The following SYCP1 variants were observed in gnomAD, a reference collection of about 807,000 sequenced individuals.
SYCP1 encodes the protein cancer/testis antigen 8.
In SYCP1, 64 loss-of-function variants were observed where a neutral mutation model predicts 153.1. The observed-to-expected ratio is 0.42, with a 90% confidence interval of 0.34 to 0.51. The LOEUF (loss-of-function observed/expected upper bound fraction) is 0.51. SYCP1 is among the 20% of genes least tolerant of loss of function. The probability of loss-of-function intolerance (pLI) is 0.06; values close to 1 mark genes in which losing one functional copy is unlikely to be tolerated. For synonymous variants in SYCP1, 384 were observed against 341.8 expected, an observed-to-expected ratio of 1.12 and a Z score of -1.36; for missense variants, 997 against 1,049.0, an observed-to-expected ratio of 0.95 and a Z score of 0.68.
intron 27 of SYCP1, among the ~76,000 whole-genome samples, chr1:114,961,629 T>A (rs751697036): frequency 6.6e-6 from 1 of 152,352 alleles, no homozygotes; most frequent in East Asian, 1.9e-4. Context: ...ATTATTTAAT[T>A]TTCACGTATT....
chr1:114,923,332 G>C, intron 20 of SYCP1, 117 bp from the exon 21 acceptor site: 4 of 1,194,872 alleles, frequency 3.3e-6, no homozygotes, highest in Non-Finnish European at 4.5e-6. Context: ...TTCAGTTTTG[G>C]TTTTTTACAT....
At chr1:114,986,690 T>G (rs1673533089) in intron 30 of SYCP1, among the ~76,000 whole-genome samples, 2 of 152,004 alleles carry the variant, frequency 1.3e-5, no homozygotes, top group African/African-American at 4.8e-5. Context: ...GATTTAAAAA[T>G]GGGTTGTTGA....
intron 8 of SYCP1, among the ~76,000 whole-genome samples, chr1:114,869,335 ATTT>A (rs1367622767): frequency 6.6e-6 from 1 of 152,042 alleles, no homozygotes. Flanking sequence ...GCATTTTGTG[ATTT>A]TCCAGGTATC....
At chr1:114,968,871 T>A (rs964136439) in intron 27 of SYCP1, among the ~76,000 whole-genome samples, 2 of 152,250 alleles carry the variant, frequency 1.3e-5, no homozygotes, top group African/African-American at 2.4e-5. Flanking sequence ...TGCGTGGGCA[T>A]CCTTTTAGTT....
At chr1:114,989,037 C>T (rs1274930403) in intron 30 of SYCP1, among the ~76,000 whole-genome samples, 2 of 151,742 alleles carry the variant, frequency 1.3e-5, no homozygotes, top group Non-Finnish European at 2.9e-5. Flanking sequence ...CATTGTGGTG[C>T]ACATCTGTAG....
At chr1:114,926,935 C>A (rs985244075) in intron 23 of SYCP1, among the ~76,000 whole-genome samples, 5 of 152,032 alleles carry the variant, frequency 3.3e-5, no homozygotes, top group African/African-American at 1.2e-4. Context: ...TATCCTGCTG[C>A]AGAAAGGGAT....
rs375436670 is a variant in SYCP1 at position 114,881,056 on chromosome 1, T to TATACACACACACAC, written c.910+2855_910+2856insTACACACACACACA. ...TGAACAGTATTCCAATTTGTGTATA[T>TATACACACACACAC]ACACACACACACACACACACACACA... On this transcript the variant is annotated intron_variant, in intron 12 of 31. Transcript: ENST00000369522. 2.9e-3 allele frequency among the ~76,000 whole-genome samples: 426 copies of TATACACACACACAC among 145,030 alleles called. 3 individuals are homozygous for TATACACACACACAC. Among genetic ancestry groups the TATACACACACACAC allele is most frequent in the African/African-American group, 0.01 (391 of 38,258 alleles).
At chr1:114,945,433 C>G (rs948864483) in intron 25 of SYCP1, among the ~76,000 whole-genome samples, 1 of 150,622 alleles carries the variant, frequency 6.6e-6, no homozygotes, top group Non-Finnish European at 1.5e-5. Flanking sequence ...TTAGAGTATC[C>G]ATTTGTTAAG....
At chr1:114,893,390 T>C (rs1666858638) in intron 15 of SYCP1, among the ~76,000 whole-genome samples, 1 of 152,156 alleles carries the variant, frequency 6.6e-6, no homozygotes, top group Non-Finnish European at 1.5e-5. Context: ...CTCATCTCTA[T>C]CTCTATCTCT....
In SYCP1 at chr1:114,857,248, A is replaced by T. The variant is rs1664058804; in HGVS notation, c.210A>T (p.Lys70Asn). 6.2e-7 allele frequency: 1 copy of T among 1,601,910 alleles called. No homozygotes were observed. The highest frequency in any genetic ancestry group is 8.5e-7 in the Non-Finnish European group (1 of 1,173,470). ...ENIDSDPALQKVNFLPVLEQV... is the reference protein window; with the variant it reads ...ENIDSDPALQNVNFLPVLEQV... ...ATCTTGCAGATCCTGCTTTACAAAA[A>T]GTTAATTTCTTGCCCGTGCTTGAGC... Residue 70 changes from lysine to asparagine, a missense_variant, in exon 4 of 32, where the codon AAA becomes AAT. Physicochemically the swap from Lys to Asn is moderately conservative, Grantham distance 94. Around this residue, in one of 2 missense-constraint regions of SYCP1, gnomAD observed 285 missense variants for 366.1 expected, o/e 0.78. Coordinates refer to ENST00000369522, the MANE Select transcript of SYCP1 (RefSeq NM_003176.4).
At chr1:114,946,405 T>A in intron 26 of SYCP1, 24 bp downstream of exon 26, 1 of 1,452,156 alleles carries the variant, frequency 6.9e-7, no homozygotes, top group Non-Finnish European at 9.4e-7. Flanking sequence ...AAAATTGCAG[T>A]AACGGCCAGT....
intron 15 of SYCP1, among the ~76,000 whole-genome samples, chr1:114,893,087 G>A (rs1054391217): frequency 1.3e-5 from 2 of 152,146 alleles, no homozygotes; most frequent in Non-Finnish European, 1.5e-5. Flanking sequence ...CTTTCTTAGA[G>A]GATCTATTTG....
At chr1:114,958,874 G>A (rs1021972785) in intron 27 of SYCP1, among the ~76,000 whole-genome samples, 2 of 149,384 alleles carry the variant, frequency 1.3e-5, no homozygotes, top group African/African-American at 4.9e-5. Context: ...AGCTTGCAGT[G>A]AGCCGAGATT....
At chr1:114,941,914 G>A (rs1670415488) in intron 23 of SYCP1, among the ~76,000 whole-genome samples, 1 of 152,030 alleles carries the variant, frequency 6.6e-6, no homozygotes, top group Non-Finnish European at 1.5e-5. Flanking sequence ...TTTGTGTTTA[G>A]ACATAGGTCC....
At position 114,947,280 on chromosome 1, in the gene SYCP1, T is replaced by C. The variant is rs202227689; in HGVS notation, c.2282T>C (p.Leu761Ser). The C allele has an allele frequency of 1.5e-5, 24 of 1,613,156 alleles. No homozygotes were observed. In the African/African-American group the frequency reaches 3.2e-4, roughly 22 times the overall value. Residue 761 changes from leucine to serine, a missense_variant, in exon 27 of 32, where the codon TTG becomes TCG. Coordinates refer to ENST00000369522, the MANE Select transcript of SYCP1 (RefSeq NM_003176.4). ...CTATCCAATCTCAAAGCTGAACTTT[T>C]GTCTGTTAAGAAGCAACTTGAAATA... ...IELSNLKAEL[L>S]SVKKQLEIER...
At position 114,872,107 on chromosome 1, in the gene SYCP1, A is replaced by G. The variant is rs796226838; in HGVS notation, c.599-2399A>G. On this transcript the variant is annotated intron_variant, in intron 8 of 31. Coordinates refer to ENST00000369522, the MANE Select transcript of SYCP1 (RefSeq NM_003176.4). ...TCCTCCCACTTTGGCCTCCCAAAGC[A>G]CTGGAATTACAGGTGTGAGCCACTG... is the stretch of plus-strand genomic sequence containing the variant. Among the ~76,000 whole-genome samples, 10 of 146,342 alleles carry G rather than the reference A, an allele frequency of 6.8e-5. No individual in the cohort carries two copies. In the East Asian group the frequency reaches 2.0e-3, roughly 29 times the overall value.
rs111412025 is a variant in SYCP1, at chr1:114,862,375, A to C, written c.598+1566A>C. Among the ~76,000 whole-genome samples, 910 of 149,298 alleles carry C rather than the reference A, an allele frequency of 6.1e-3. 7 individuals carry two copies. The highest frequency in any genetic ancestry group is 9.2e-3 in the Non-Finnish European group (623 of 67,352). On this transcript the variant is annotated intron_variant, in intron 8 of 31. Coordinates refer to ENST00000369522, the MANE Select transcript of SYCP1 (RefSeq NM_003176.4). ...TTGTTTTTTTTTTTTTTTTAGACGA[A>C]GTCTAACTCTGTGGCCAGGCTGGAG...
rs1425050825 is a variant in SYCP1 at position 114,985,141 on chromosome 1, G to A, written c.2703+273G>A. ...ATACGATATGATTAATCATTGTCTTGTTTTCTAGAAGAATGTCATAAAGGA... is the reference window on the plus strand; with the variant it reads ...ATACGATATGATTAATCATTGTCTTATTTTCTAGAAGAATGTCATAAAGGA... On this transcript the variant is annotated intron_variant, in intron 30 of 31. Transcript: ENST00000369522. 1.1e-4 allele frequency among the ~76,000 whole-genome samples: 16 copies of A among 151,758 alleles called. No individual in the cohort carries two copies. The East Asian group carries it at 2.9e-3, about 28-fold the overall frequency.
At chr1:114,897,621 G>C (rs1470088626) in intron 16 of SYCP1, among the ~76,000 whole-genome samples, 1 of 152,088 alleles carries the variant, frequency 6.6e-6, no homozygotes, top group Non-Finnish European at 1.5e-5. Context: ...ATAGTACAGA[G>C]ACACAATTAC....
Sources: gnomAD v4.1 joint callset for allele counts (sites outside exome capture counted in the v4.1 genomes callset) on GRCh38, gnomAD v4.1.1 for gene constraint, gnomAD v4.1.1 regional missense constraint, MANE v1.5 for transcripts, NCBI Gene and HGNC (gene_info 2026-07-23, HGNC 2026-07-21) for gene names.